Variants in TMEM108 observed in about 807,000 individuals in gnomAD.
TMEM108 encodes cancer/testis antigen 124.
Under a neutral mutation model 35.1 loss-of-function variants are expected in TMEM108, and 12 were observed. The observed-to-expected ratio is 0.34, with a 90% CI of 0.22 to 0.55. The LOEUF (loss-of-function observed/expected upper bound fraction) is 0.55, where lower values mean the gene tolerates loss of function less well. TMEM108 is among the 20% of genes least tolerant of loss of function. The pLI is 0.89. For synonymous variants in TMEM108, 287 were observed against 308.6 expected, an observed-to-expected ratio of 0.93 and a Z score of 0.73; for missense variants, 680 against 753.3, an observed-to-expected ratio of 0.90 and a Z score of 1.14.
intron 2 of TMEM108, among the ~76,000 whole-genome samples, chr3:133,202,577 A>G (rs933415252): frequency 5.9e-5 from 9 of 152,070 alleles, no homozygotes; most frequent in African/African-American, 2.2e-4. Flanking sequence ...TGTTTTTGTC[A>G]GGTTTGTCAA....
intron 2 of TMEM108, among the ~76,000 whole-genome samples, chr3:133,172,130 A>G (rs1044018325): frequency 1.2e-4 from 19 of 152,300 alleles, no homozygotes; most frequent in Middle Eastern, 3.4e-3. Context: ...CAGGGATGCA[A>G]TTGTCCTCAT....
intron 2 of TMEM108, among the ~76,000 whole-genome samples, chr3:133,207,026 G>A (rs1559868319): frequency 6.6e-6 from 1 of 152,328 alleles, no homozygotes; most frequent in East Asian, 1.9e-4. Flanking sequence ...TAGGGAGGCA[G>A]TCTGGCTACA....
At chr3:133,239,890 C>G (rs191516334) in intron 3 of TMEM108, among the ~76,000 whole-genome samples, 1 of 152,254 alleles carries the variant, frequency 6.6e-6, no homozygotes, top group Non-Finnish European at 1.5e-5. Context: ...CAGAATTCCT[C>G]TCAAGTGTTG....
chr3:133,388,350 C>T (rs910461082), intron 4 of TMEM108: 12 of 981,216 alleles, frequency 1.2e-5, no homozygotes, highest in African/African-American at 1.1e-4. Context: ...TGTGGCAAGG[C>T]GGCCAGCACT....
chr3:133,217,395 T>C (rs531487905), intron 2 of TMEM108, among the ~76,000 whole-genome samples: 2 of 152,214 alleles, frequency 1.3e-5, no homozygotes, highest in Admixed American at 1.3e-4. Context: ...ACTCTGTTGA[T>C]TGTTTCTTTT....
chr3:133,245,365 A>G (rs1946370217), intron 3 of TMEM108, among the ~76,000 whole-genome samples: 1 of 152,154 alleles, frequency 6.6e-6, no homozygotes, highest in African/African-American at 2.4e-5. Context: ...AAGCACTTCA[A>G]CTTATTCCTT....
rs551549854 is a variant in TMEM108 at position 133,311,961 on chromosome 3, G to A, written c.41-67791G>A. On this transcript the variant is annotated intron_variant, in intron 3 of 5. Transcript: ENST00000321871. The stretch of plus-strand genomic sequence containing the variant: ...CTGTTTGTTAGTTTTCCTTCTAACA[G>A]TCAGGTCTCTCAGCTGCAGGTCTGT... Among the ~76,000 whole-genome samples the A allele has an allele frequency of 2.0e-5, 3 of 152,336 alleles. No individual in the cohort carries two copies. The East Asian group carries it at 5.8e-4, about 29-fold the overall frequency.
At position 133,038,443 on chromosome 3, in the gene TMEM108, G is replaced by C. The variant is rs1943231450; in HGVS notation, c.-166+8G>C. The C allele has an allele frequency of 6.6e-6, 1 of 152,390 alleles. No individual in the cohort carries two copies. The highest frequency in any genetic ancestry group is 2.1e-4 in the South Asian group (1 of 4,840). 9.4% of individuals were successfully genotyped at this position (152,390 alleles called of 1,614,324 possible). A position where few individuals can be genotyped will look rare whatever the true frequency, so the allele number is the denominator to read the frequency against. On this transcript the variant is annotated splice_region_variant and intron_variant, in intron 1 of 5. Transcript: ENST00000321871. The stretch of plus-strand genomic sequence containing the variant: ...CGGAGCGCTTCTCCCGAGGTAAGCG[G>C]CGCTCCGGGGCGTCCCCCCAGTCCT...
At chr3:133,345,874 A>C (rs1417737124) in intron 3 of TMEM108, among the ~76,000 whole-genome samples, 1 of 151,958 alleles carries the variant, frequency 6.6e-6, no homozygotes, top group East Asian at 1.9e-4. Flanking sequence ...CTGTATGCAA[A>C]TTGGAGTAAT....
chr3:133,197,182 A>G (rs531888777), intron 2 of TMEM108, among the ~76,000 whole-genome samples: 193 of 152,350 alleles, frequency 1.3e-3, no homozygotes, highest in African/African-American at 4.3e-3. Flanking sequence ...GTTCAGGAAA[A>G]CAGAAGCCAC....
chr3:133,175,706 C>T (rs1945208628), intron 2 of TMEM108, among the ~76,000 whole-genome samples: 2 of 152,200 alleles, frequency 1.3e-5, no homozygotes, highest in South Asian at 4.1e-4. Context: ...TGGTACCAGC[C>T]ACTGCAAAAA....
At chr3:133,340,718 A>G (rs2071637135) in intron 3 of TMEM108, among the ~76,000 whole-genome samples, 1 of 151,926 alleles carries the variant, frequency 6.6e-6, no homozygotes, top group African/African-American at 2.4e-5. Flanking sequence ...TCAGAAGATC[A>G]TTCATCATGA....
chr3:133,144,608 A>G (rs1043637992), intron 2 of TMEM108, among the ~76,000 whole-genome samples: 14 of 152,142 alleles, frequency 9.2e-5, no homozygotes, highest in Non-Finnish European at 2.1e-4. Context: ...AAGTGTTCCT[A>G]TTTCTCCACA....
At chr3:133,214,476 C>A (rs7614857) in intron 2 of TMEM108, among the ~76,000 whole-genome samples, 118,537 of 152,056 alleles carry the variant, frequency 0.78, 46,565 homozygotes, top group East Asian at 0.94. Context: ...AGGGTTCTCT[C>A]AGGCACGTTG....
chr3:133,361,326 A>G (rs11919147), intron 3 of TMEM108, among the ~76,000 whole-genome samples: 49,869 of 152,140 alleles, frequency 0.33, 8,771 homozygotes, highest in East Asian at 0.48. Context: ...GCTACATTCC[A>G]GCTGTGAAGT....
At chr3:133,158,076 A>G (rs936533983) in intron 2 of TMEM108, among the ~76,000 whole-genome samples, 2 of 151,882 alleles carry the variant, frequency 1.3e-5, no homozygotes, top group African/African-American at 4.8e-5. Flanking sequence ...AGTCCTTTTA[A>G]CTCCTTTTTA....
chr3:133,101,807 C>T (rs1462968270), intron 2 of TMEM108, among the ~76,000 whole-genome samples: 3 of 152,214 alleles, frequency 2.0e-5, no homozygotes, highest in Non-Finnish European at 4.4e-5. Context: ...TCATTGGAAT[C>T]CCATGTCATT....
intron 2 of TMEM108, chr3:133,124,994 A>C (rs771769370): frequency 8.5e-5 from 13 of 152,212 alleles, no homozygotes. Context: ...CAGGAAAATT[A>C]TATGGGGAGC....
At chr3:133,102,615 C>T (rs1944102254) in intron 2 of TMEM108, among the ~76,000 whole-genome samples, 2 of 152,196 alleles carry the variant, frequency 1.3e-5, no homozygotes. Flanking sequence ...TAGCTTCTGA[C>T]ACAGTCTTGG....
Sources: allele counts gnomAD v4.1 joint callset (sites outside exome capture counted in the v4.1 genomes callset), GRCh38; gene constraint gnomAD v4.1.1; transcripts MANE v1.5; gene names NCBI Gene and HGNC (gene_info 2026-07-23, HGNC 2026-07-21).